PPP2R2B: variants seen among roughly 807,000 people sequenced by gnomAD.
PPP2R2B encodes serine/threonine-protein phosphatase 2A 55 kDa regulatory subunit B beta isoform.
In PPP2R2B, 5 loss-of-function variants were observed where a neutral mutation model predicts 46.0. The observed-to-expected ratio is 0.11, with a 90% confidence interval of 0.06 to 0.23. The LOEUF (loss-of-function observed/expected upper bound fraction) is 0.23. Ranked by LOEUF, PPP2R2B falls within the 10% of genes least tolerant of loss-of-function variation. The pLI is 1.00. For missense variants in PPP2R2B, 367 were observed against 575.0 expected, an observed-to-expected ratio of 0.64 and a Z score of 3.70; for synonymous variants, 215 against 206.7, an observed-to-expected ratio of 1.04 and a Z score of -0.34.
At chr5:146,657,194 G>A (rs1279054529) in intron 5 of PPP2R2B, among the ~76,000 whole-genome samples, 1 of 152,144 alleles carries the variant, frequency 6.6e-6, no homozygotes, top group Non-Finnish European at 1.5e-5. Context: ...ACAGCAAGGG[G>A]AGGCCATGGG....
chr5:146,927,370 T>A (rs138170016), intron 1 of PPP2R2B, among the ~76,000 whole-genome samples: 1,702 of 152,252 alleles, frequency 0.011, 29 homozygotes, highest in African/African-American at 0.039. Flanking sequence ...AGTCCAACAC[T>A]TGCTAGTGGC....
chr5:147,013,088 C>T (rs965746202), intron 1 of PPP2R2B, among the ~76,000 whole-genome samples: 87 of 150,062 alleles, frequency 5.8e-4, no homozygotes, highest in African/African-American at 1.3e-3. Flanking sequence ...TATACACCAA[C>T]AACAGACAAA....
At chr5:146,622,082 C>T (rs184908343) in intron 7 of PPP2R2B, among the ~76,000 whole-genome samples, 1 of 152,176 alleles carries the variant, frequency 6.6e-6, no homozygotes, top group African/African-American at 2.4e-5. Context: ...GCTACCTCTC[C>T]TACAGGCCTG....
At chr5:147,003,988 C>A (rs1187470102) in intron 1 of PPP2R2B, among the ~76,000 whole-genome samples, 1 of 151,880 alleles carries the variant, frequency 6.6e-6, no homozygotes, top group African/African-American at 2.4e-5. Context: ...TGAACAAAAT[C>A]TGGAGGCATT....
At position 146,878,429 on chromosome 5, in the gene PPP2R2B, C is replaced by T. The variant is rs558253166; in HGVS notation, c.-125+162G>A. 59 of 1,410,662 alleles carry T rather than the reference C, an allele frequency of 4.2e-5. 1 individual carries two copies. In the South Asian group the frequency reaches 7.2e-4, roughly 17 times the overall value. 87.4% of individuals were successfully genotyped at this position (1,410,662 alleles called of 1,614,324 possible). On this transcript the variant is annotated intron_variant, in intron 1 of 9. Transcript: ENST00000394411. This position sits in a 1 kb window ranked among gnomAD's most constrained non-coding sequence, Gnocchi z 4.5. ...CGCCCGCCCCGGAGGCGCTCACAAG[C>T]GGGTCTGGGGAGATGCCCAACAGGT...
At chr5:147,005,613 A>C (rs1443785481) in intron 1 of PPP2R2B, among the ~76,000 whole-genome samples, 3 of 152,176 alleles carry the variant, frequency 2.0e-5, no homozygotes, top group Non-Finnish European at 4.4e-5. Context: ...AGGGGAGAAC[A>C]GCAGCATAAG....
Position 146,878,672 on chromosome 5 carries a change from G to C in PPP2R2B, c.-206C>G. ...GGGAAGCTGGCGGGGAGCTGGGCAGGGCGCTGCAGCCGGCGCCAGCGCACT... is the reference window on the plus strand; with the variant it reads ...GGGAAGCTGGCGGGGAGCTGGGCAGCGCGCTGCAGCCGGCGCCAGCGCACT... On this transcript the variant is annotated 5_prime_UTR_variant, in exon 1 of 10. Transcript: ENST00000394411. This position sits in a 1 kb window ranked among gnomAD's most constrained non-coding sequence, Gnocchi z 4.5. 3 of 1,286,366 alleles carry C rather than the reference G, an allele frequency of 2.3e-6. No individual in the cohort carries two copies. Among genetic ancestry groups the C allele is most frequent in the Non-Finnish European group, 3.0e-6 (3 of 988,104 alleles). 79.7% of individuals were successfully genotyped at this position (1,286,366 alleles called of 1,614,324 possible). A position where few individuals can be genotyped will look rare whatever the true frequency, so the allele number is the denominator to read the frequency against.
intron 7 of PPP2R2B, among the ~76,000 whole-genome samples, chr5:146,623,798 G>A (rs191340142): frequency 7.9e-5 from 12 of 152,278 alleles, no homozygotes; most frequent in African/African-American, 2.6e-4. Context: ...ATGATGGAAG[G>A]CCAGCAGGTG....
chr5:146,683,969 G>A (rs937966136), intron 5 of PPP2R2B, among the ~76,000 whole-genome samples: 30 of 152,210 alleles, frequency 2.0e-4, no homozygotes, highest in African/African-American at 7.2e-4. Context: ...CACCCGCCGA[G>A]GCAGGATGGG....
At chr5:147,081,436 G>T, upstream of PPP2R2B, 1 of 749,254 alleles carries the variant, frequency 1.3e-6, no homozygotes, top group Non-Finnish European at 2.2e-6. Context: ...TCCTGGAGTG[G>T]TTACGAAGGA....
intron 1 of PPP2R2B, among the ~76,000 whole-genome samples, chr5:146,906,946 A>G (rs1271263249): frequency 6.6e-6 from 1 of 152,206 alleles, no homozygotes; most frequent in Non-Finnish European, 1.5e-5. Flanking sequence ...TAAGAAGACC[A>G]GCCGAGTTAC....
At chr5:146,945,824 A>C (rs2151832061) in intron 1 of PPP2R2B, among the ~76,000 whole-genome samples, 1 of 152,320 alleles carries the variant, frequency 6.6e-6, no homozygotes, top group Middle Eastern at 3.4e-3. Context: ...GATGGTATGC[A>C]AGAAGAACCA....
chr5:146,985,358 C>G (rs1753379117), intron 1 of PPP2R2B, among the ~76,000 whole-genome samples: 1 of 152,132 alleles, frequency 6.6e-6, no homozygotes, highest in Admixed American at 6.6e-5. Context: ...TAGGTTGTCT[C>G]TTTACATGGT....
intron 2 of PPP2R2B, among the ~76,000 whole-genome samples, chr5:146,785,878 G>A (rs1755807424): frequency 6.6e-6 from 1 of 152,084 alleles, no homozygotes; most frequent in South Asian, 2.1e-4. Context: ...GGTTGGGAAG[G>A]GCATAGGGGA....
chr5:146,791,939 G>A (rs1041787115), intron 2 of PPP2R2B, among the ~76,000 whole-genome samples: 1 of 152,090 alleles, frequency 6.6e-6, no homozygotes, highest in Non-Finnish European at 1.5e-5. Flanking sequence ...TAATTCATCA[G>A]GTATTCCATC....
chr5:147,044,161 A>G (rs747084144), intron 1 of PPP2R2B, among the ~76,000 whole-genome samples: 1 of 152,140 alleles, frequency 6.6e-6, no homozygotes, highest in Non-Finnish European at 1.5e-5. Context: ...TGTACAGAGT[A>G]TGAAAACCCT....
chr5:146,687,141 T>C (rs1778560711), intron 5 of PPP2R2B, among the ~76,000 whole-genome samples: 1 of 152,016 alleles, frequency 6.6e-6, no homozygotes, highest in Non-Finnish European at 1.5e-5. Flanking sequence ...ATTAATCCCC[T>C]CACCTGGAAT....
At chr5:147,009,029 G>T (rs1195715307) in intron 1 of PPP2R2B, among the ~76,000 whole-genome samples, 3 of 152,050 alleles carry the variant, frequency 2.0e-5, no homozygotes, top group Admixed American at 6.6e-5. Context: ...TTATAAAAAT[G>T]ATCACCATAA....
chr5:146,694,176 T>C (rs1779042440), intron 4 of PPP2R2B, among the ~76,000 whole-genome samples: 1 of 152,196 alleles, frequency 6.6e-6, no homozygotes, highest in South Asian at 2.1e-4. Flanking sequence ...CATTTTCTTG[T>C]ATCTGGGCAT....
Sources: allele counts gnomAD v4.1 joint callset (sites outside exome capture counted in the v4.1 genomes callset), GRCh38; gene constraint gnomAD v4.1.1; non-coding constraint Gnocchi (gnomAD v3.1); transcripts MANE v1.5; gene names NCBI Gene and HGNC (gene_info 2026-07-23, HGNC 2026-07-21).